Variants in GRIN2B observed in about 807,000 individuals in gnomAD.
GRIN2B encodes the protein glutamate ionotropic receptor NMDA type subunit 2B, also known as glutamate receptor ionotropic, NMDA 2B.
In GRIN2B, 5 loss-of-function variants were observed where a neutral mutation model predicts 114.5. The observed-to-expected ratio is 0.04, with a 90% CI of 0.02 to 0.09. The LOEUF is 0.09. Ranked by LOEUF, GRIN2B falls within the 10% of genes least tolerant of loss-of-function variation. The pLI is 1.00. For missense variants in GRIN2B, 1,108 were observed against 1,943.5 expected, an observed-to-expected ratio of 0.57 and a Z score of 8.08; for synonymous variants, 787 against 745.1, an observed-to-expected ratio of 1.06 and a Z score of -0.92.
At chr12:13,576,109 GA>G (rs1369327282) in intron 10 of GRIN2B, among the ~76,000 whole-genome samples, 1 of 152,132 alleles carries the variant, frequency 6.6e-6, no homozygotes, top group Non-Finnish European at 1.5e-5. Flanking sequence ...CTTTTCTTTT[GA>G]AAATTCTTGT....
intron 2 of GRIN2B, among the ~76,000 whole-genome samples, chr12:13,873,836 G>A (rs1244348400): frequency 6.6e-6 from 1 of 152,126 alleles, no homozygotes; most frequent in Non-Finnish European, 1.5e-5. Flanking sequence ...ATATAGTCCT[G>A]CAGAGAATTA....
intron 3 of GRIN2B, among the ~76,000 whole-genome samples, chr12:13,858,018 C>CTT: frequency 6.6e-6 from 1 of 152,256 alleles, no homozygotes; most frequent in South Asian, 2.1e-4. Context: ...TCTCTAGACT[C>CTT]TTTGTTCTGA....
intron 2 of GRIN2B, among the ~76,000 whole-genome samples, chr12:13,913,354 G>A (rs1478793434): frequency 6.6e-6 from 1 of 152,140 alleles, no homozygotes; most frequent in Admixed American, 6.5e-5. Flanking sequence ...AGGGAAACAG[G>A]TGACAGAAGA....
intron 2 of GRIN2B, among the ~76,000 whole-genome samples, chr12:13,913,449 A>G (rs902888746): frequency 3.9e-5 from 6 of 152,162 alleles, no homozygotes; most frequent in African/African-American, 1.2e-4. Context: ...CTGGTGCTGG[A>G]GGCAGGGAAG....
chr12:13,734,633 ATGTT>A (rs1419230270), intron 4 of GRIN2B, among the ~76,000 whole-genome samples: 1 of 152,190 alleles, frequency 6.6e-6, no homozygotes, highest in African/African-American at 2.4e-5. Flanking sequence ...TCAATAGAAA[ATGTT>A]TGTGTCTACT....
intron 5 of GRIN2B, among the ~76,000 whole-genome samples, chr12:13,623,900 T>G (rs1437021791): frequency 6.6e-6 from 1 of 152,240 alleles, no homozygotes; most frequent in Non-Finnish European, 1.5e-5. Flanking sequence ...TACTTTTGCA[T>G]GTAGCTTTTC....
intron 2 of GRIN2B, among the ~76,000 whole-genome samples, chr12:13,950,294 C>T (rs1867457877): frequency 2.0e-5 from 3 of 152,120 alleles, no homozygotes; most frequent in Non-Finnish European, 2.9e-5. Context: ...TACTGAGACC[C>T]CAGCCCAGGC....
At position 13,636,063 on chromosome 12, in the gene GRIN2B, T is replaced by C. The variant is rs1019970791; in HGVS notation, c.1126-19406A>G. Among the ~76,000 whole-genome samples the C allele has an allele frequency of 2.0e-5, 3 of 151,704 alleles. No individual in the cohort carries two copies. In the East Asian group the frequency reaches 5.8e-4, roughly 29 times the overall value. On this transcript the variant is annotated intron_variant, in intron 5 of 13. Transcript: ENST00000609686. Reference sequence around the variant, plus strand: ...TAAAGGTGGGAAAGAGGATGGTGTGTGATGGGAGTTAGACAGGATGTTCAG... The same window carrying C: ...TAAAGGTGGGAAAGAGGATGGTGTGCGATGGGAGTTAGACAGGATGTTCAG...
intron 2 of GRIN2B, among the ~76,000 whole-genome samples, chr12:13,890,259 A>G (rs1222903266): frequency 3.9e-5 from 6 of 152,076 alleles, no homozygotes; most frequent in African/African-American, 1.4e-4. Flanking sequence ...CTCTTGCCCT[A>G]TCTCTCTGTT....
At position 13,541,805 on chromosome 12, in the gene GRIN2B, C is replaced by T. The variant is rs890963466; in HGVS notation, c.*20978G>A. On this transcript the variant is annotated 3_prime_UTR_variant, in exon 14 of 14. Coordinates refer to ENST00000609686, the MANE Select transcript of GRIN2B (RefSeq NM_000834.5). ...GGAAAAATAGTTCACTAGAAATGGC[C>T]TAACAGTTTCTCTTCTCAAATTATG... 6.6e-6 allele frequency: 1 copy of T among 152,192 alleles called. No homozygotes were observed. The highest frequency in any genetic ancestry group is 2.1e-4 in the South Asian group (1 of 4,828). The allele number at this position is 152,192 out of a possible 1,614,324, so 9.4% of individuals were successfully genotyped here.
In GRIN2B at chr12:13,553,618, G is replaced by C. The variant is rs1052860962; in HGVS notation, c.*9165C>G. 4 of 152,304 alleles carry C rather than the reference G, an allele frequency of 2.6e-5. No individual in the cohort carries two copies. The highest frequency in any genetic ancestry group is 9.6e-5 in the African/African-American group (4 of 41,562). The allele number at this position is 152,304 out of a possible 1,614,324, so 9.4% of individuals were successfully genotyped here. On this transcript the variant is annotated 3_prime_UTR_variant, in exon 14 of 14. Coordinates refer to ENST00000609686, the MANE Select transcript of GRIN2B (RefSeq NM_000834.5). ...TGGACCACCACCTGGGGTCTACAAG[G>C]CTGTGTGATTAGTGAGCCAGAACTG... is the stretch of plus-strand genomic sequence containing the variant.
At chr12:13,934,378 C>T (rs1193681679) in intron 2 of GRIN2B, among the ~76,000 whole-genome samples, 1 of 152,198 alleles carries the variant, frequency 6.6e-6, no homozygotes, top group Non-Finnish European at 1.5e-5. Context: ...TTTACATATA[C>T]ATTATTTCCT....
intron 3 of GRIN2B, among the ~76,000 whole-genome samples, chr12:13,773,571 A>G (rs762849750): frequency 2.8e-4 from 43 of 152,216 alleles, no homozygotes; most frequent in Non-Finnish European, 4.9e-4. Context: ...CTTTTGGAGT[A>G]TGACGAAACT....
chr12:13,618,165 C>A (rs1259817168), intron 5 of GRIN2B, among the ~76,000 whole-genome samples: 1 of 152,184 alleles, frequency 6.6e-6, no homozygotes, highest in Admixed American at 6.5e-5. Flanking sequence ...CTACTTATTT[C>A]TAAAACAGAA....
In GRIN2B at chr12:13,547,981, A is replaced by ATATATATATATATATATTT; in HGVS notation, c.*14801_*14802insAAATATATATATATATATA. The ATATATATATATATATATTT allele has an allele frequency of 2.9e-5, 2 of 68,576 alleles. No individual in the cohort carries two copies. The highest frequency in any genetic ancestry group is 5.8e-5 in the Non-Finnish European group (2 of 34,410). 4.2% of individuals were successfully genotyped at this position (68,576 alleles called of 1,614,324 possible). On this transcript the variant is annotated 3_prime_UTR_variant, in exon 14 of 14. Transcript: ENST00000609686. ...TGTGTATATATATATATATATATAT[A>ATATATATATATATATATTT]TTTTTTTTTTTTTTCTGAAAGCTAC...
intron 2 of GRIN2B, among the ~76,000 whole-genome samples, chr12:13,919,538 C>T (rs1254686859): frequency 2.0e-5 from 3 of 152,244 alleles, no homozygotes; most frequent in East Asian, 1.9e-4. Flanking sequence ...GACAATATGG[C>T]TTTTTGTTTT....
intron 3 of GRIN2B, among the ~76,000 whole-genome samples, chr12:13,828,037 G>A (rs540349386): frequency 1.4e-4 from 21 of 152,176 alleles, no homozygotes; most frequent in South Asian, 1.2e-3. Flanking sequence ...TTATTTCTCC[G>A]TCTGTTTCTA....
chr12:13,875,516 ACT>A (rs1398738352), intron 2 of GRIN2B, among the ~76,000 whole-genome samples: 2 of 152,072 alleles, frequency 1.3e-5, no homozygotes, highest in Non-Finnish European at 2.9e-5. Context: ...ACAGAGCAAG[ACT>A]CTGTCTCAAA....
At chr12:13,757,604 C>A (rs1203570303) in intron 3 of GRIN2B, among the ~76,000 whole-genome samples, 3 of 152,184 alleles carry the variant, frequency 2.0e-5, no homozygotes, top group Middle Eastern at 3.2e-3. Flanking sequence ...GTCCTTGGAG[C>A]AGTCTCCTCC....
Sources: allele counts gnomAD v4.1 joint callset (sites outside exome capture counted in the v4.1 genomes callset), GRCh38; gene constraint gnomAD v4.1.1; transcripts MANE v1.5; gene names NCBI Gene and HGNC (gene_info 2026-07-23, HGNC 2026-07-21).